Variants in BDH1 observed in about 807,000 individuals in gnomAD.
The protein encoded by BDH1 is D-beta-hydroxybutyrate dehydrogenase, mitochondrial.
BDH1 carries 30 observed loss-of-function variants against 33.1 expected under a neutral mutation model. The observed-to-expected ratio is 0.91, with a 90% CI of 0.68 to 1.23. The LOEUF is 1.23. Ranked by LOEUF, BDH1 falls within the 50% of genes most tolerant of loss-of-function variation. The probability of loss-of-function intolerance (pLI) is 0.00; values close to 1 mark genes in which losing one functional copy is unlikely to be tolerated. For synonymous variants in BDH1, 190 were observed against 183.6 expected, an observed-to-expected ratio of 1.03 and a Z score of -0.28; for missense variants, 443 against 464.4, an observed-to-expected ratio of 0.95 and a Z score of 0.42.
In BDH1 at chr3:197,528,979, CAT is replaced by C. The variant is rs1714393526; in HGVS notation, c.267+3431_267+3432del. 1 of 152,248 alleles carries C rather than the reference CAT, an allele frequency of 6.6e-6. No homozygotes were observed. Among genetic ancestry groups the C allele is most frequent in the African/African-American group, 2.4e-5 (1 of 41,460 alleles). 9.4% of individuals were successfully genotyped at this position (152,248 alleles called of 1,614,324 possible). A position where few individuals can be genotyped will look rare whatever the true frequency, so the allele number is the denominator to read the frequency against. The stretch of plus-strand genomic sequence containing the variant: ...CCAGCACAATGGCACAGAAGCCTAA[CAT>C]AGGACAAGGGACTTTACAACATTTT... On this transcript the variant is annotated intron_variant, in intron 5 of 7. Transcript: ENST00000392379. The surrounding 1 kb of genome is among the most constrained non-coding windows in gnomAD (Gnocchi z 5.1).
At chr3:197,545,214 T>G (rs927268754) in intron 3 of BDH1, among the ~76,000 whole-genome samples, 3 of 152,090 alleles carry the variant, frequency 2.0e-5, no homozygotes, top group Non-Finnish European at 4.4e-5. Flanking sequence ...AAGAGTAAAA[T>G]GTGGCAGCAG....
rs13061303 is a variant in BDH1, at chr3:197,526,291, G to A, written c.268-3510C>T. 0.081 allele frequency among the ~76,000 whole-genome samples: 12,322 copies of A among 152,234 alleles called. 585 individuals are homozygous for A. Among genetic ancestry groups the A allele is most frequent in the South Asian group, 0.099 (480 of 4,826 alleles). On this transcript the variant is annotated intron_variant, in intron 5 of 7. Transcript: ENST00000392379. The surrounding 1 kb of genome is among the most constrained non-coding windows in gnomAD (Gnocchi z 4.7). ...GCTGTGGGAAGTAGGTGCTGGTGGAGGTTGTCTTTCTCACTGTTTTCTAGC... is the reference window on the plus strand; with the variant it reads ...GCTGTGGGAAGTAGGTGCTGGTGGAAGTTGTCTTTCTCACTGTTTTCTAGC...
Position 197,520,986 on chromosome 3 carries a change from G to A in BDH1, c.409+1654C>T, listed in dbSNP as rs1311761138. Among the ~76,000 whole-genome samples, 3 of 152,162 alleles carry A rather than the reference G, an allele frequency of 2.0e-5. No individual in the cohort carries two copies. Among genetic ancestry groups the A allele is most frequent in the Non-Finnish European group, 4.4e-5 (3 of 68,020 alleles). On this transcript the variant is annotated intron_variant, in intron 6 of 7. Coordinates refer to ENST00000392379, the MANE Select transcript of BDH1 (RefSeq NM_203314.3). This position sits in a 1 kb window ranked among gnomAD's most constrained non-coding sequence, Gnocchi z 6.0. ...AGACAGGCAGAGGAGCGGCATCACC[G>A]ACAGCCACACACGCAGCCTCTGAGG...
At chr3:197,560,747 G>A, upstream of BDH1, among the ~76,000 whole-genome samples, 1 of 152,166 alleles carries the variant, frequency 6.6e-6, no homozygotes, top group East Asian at 1.9e-4. Flanking sequence ...TAAGCTAAAG[G>A]GAAAGTCAAG....
At chr3:197,557,999 A>G (rs1367477147), upstream of BDH1, among the ~76,000 whole-genome samples, 6 of 152,276 alleles carry the variant, frequency 3.9e-5, no homozygotes, top group Non-Finnish European at 5.9e-5. The surrounding 1 kb of genome is among the most constrained non-coding windows in gnomAD (Gnocchi z 4.6). Flanking sequence ...ATGCTTTGCT[A>G]GAAAAGTAGT....
At chr3:197,552,677 T>G (rs769853644) in intron 2 of BDH1, among the ~76,000 whole-genome samples, 17 of 152,234 alleles carry the variant, frequency 1.1e-4, no homozygotes, top group Non-Finnish European at 1.9e-4. Flanking sequence ...AGACATTCTC[T>G]GGCCACCCCA....
intron 3 of BDH1, chr3:197,543,169 C>G (rs1473001753): frequency 1.0e-6 from 1 of 985,260 alleles, no homozygotes; most frequent in African/African-American, 1.7e-5. Flanking sequence ...TTGAATCTAA[C>G]AAGACGGGGC....
chr3:197,528,681 T>A lies in BDH1; in HGVS notation c.267+3731A>T, dbSNP rs1269090359. 6.6e-6 allele frequency: 1 copy of A among 152,232 alleles called. No individual in the cohort carries two copies. Among genetic ancestry groups the A allele is most frequent in the Non-Finnish European group, 1.5e-5 (1 of 68,038 alleles). The allele number at this position is 152,232 out of a possible 1,614,324, so 9.4% of individuals were successfully genotyped here. ...GATACCAACAGATATAACCTGCCAA[T>A]GAGCTTGTCTGGTACTTTCTTCAAA... On this transcript the variant is annotated intron_variant, in intron 5 of 7. Coordinates refer to ENST00000392379, the MANE Select transcript of BDH1 (RefSeq NM_203314.3). This position sits in a 1 kb window ranked among gnomAD's most constrained non-coding sequence, Gnocchi z 5.1.
Position 197,542,521 on chromosome 3 carries a change from CT to C in BDH1, c.83+3839del, listed in dbSNP as rs71164295. ...GTCAACACGCTTTCTTTCTTGCTTG[CT>C]TTTTTTTTTTTTTTTTTTGAGACGG... On this transcript the variant is annotated intron_variant, in intron 3 of 7. Transcript: ENST00000392379. Among the ~76,000 whole-genome samples the C allele has an allele frequency of 5.4e-3, 578 of 106,416 alleles. 5 individuals are homozygous for C. The highest frequency in any genetic ancestry group is 0.021 in the African/African-American group (492 of 23,442). The allele number at this position is 106,416 out of a possible 152,430, so 69.8% of individuals were successfully genotyped here.
rs1019502296 is a variant in BDH1 at position 197,525,423 on chromosome 3, C to G, written c.268-2642G>C. Among the ~76,000 whole-genome samples, 3 of 152,176 alleles carry G rather than the reference C, an allele frequency of 2.0e-5. No homozygotes were observed. The highest frequency in any genetic ancestry group is 7.2e-5 in the African/African-American group (3 of 41,440). The stretch of plus-strand genomic sequence containing the variant: ...CCCTATACAAGACCTCTCTGGTGCC[C>G]CTACACAGCATCACGACAAGGTCCC... On this transcript the variant is annotated intron_variant, in intron 5 of 7. Coordinates refer to ENST00000392379, the MANE Select transcript of BDH1 (RefSeq NM_203314.3). This position sits in a 1 kb window ranked among gnomAD's most constrained non-coding sequence, Gnocchi z 4.9.
rs1713532657 is a variant in BDH1, at chr3:197,521,390, T to C, written c.409+1250A>G. 6.6e-6 allele frequency among the ~76,000 whole-genome samples: 1 copy of C among 152,204 alleles called. No homozygotes were observed. Among genetic ancestry groups the C allele is most frequent in the Non-Finnish European group, 1.5e-5 (1 of 68,028 alleles). On this transcript the variant is annotated intron_variant, in intron 6 of 7. Transcript: ENST00000392379. This position sits in a 1 kb window ranked among gnomAD's most constrained non-coding sequence, Gnocchi z 4.9. The stretch of plus-strand genomic sequence containing the variant: ...AAGGATATTTTAGTCCTTATGCTAC[T>C]GGAACTTTCTGTAGCTTTTGACCCT...
chr3:197,534,896 A>G (rs1715013564), intron 3 of BDH1, among the ~76,000 whole-genome samples: 2 of 152,198 alleles, frequency 1.3e-5, no homozygotes, highest in Non-Finnish European at 1.5e-5. Flanking sequence ...CTATAACAAA[A>G]TATCATAGAC....
chr3:197,552,044 A>G (rs546550839), intron 2 of BDH1, among the ~76,000 whole-genome samples: 1 of 152,280 alleles, frequency 6.6e-6, no homozygotes, highest in African/African-American at 2.4e-5. Context: ...CTCCAACCCA[A>G]CCTTCTCCCC....
At position 197,566,535 on chromosome 3, in the gene BDH1, A is replaced by T. The variant is rs566208907; in HGVS notation, c.-44+6646T>A. 4.5e-4 allele frequency among the ~76,000 whole-genome samples: 68 copies of T among 152,240 alleles called. No individual in the cohort carries two copies. In the South Asian group the frequency reaches 0.011, roughly 26 times the overall value. On this transcript the variant is annotated intron_variant, in intron 1 of 6. Transcript: ENST00000358186. The stretch of plus-strand genomic sequence containing the variant: ...TATCTGAGATTCCTTCTATGGAACA[A>T]AGTTCCATCAAAGCCAATTTAAAAG...
intron 3 of BDH1, among the ~76,000 whole-genome samples, chr3:197,537,544 T>G (rs1267804684): frequency 6.6e-6 from 1 of 152,214 alleles, no homozygotes; most frequent in African/African-American, 2.4e-5. Flanking sequence ...GGCTAGAAAT[T>G]ACAGCACTAT....
In BDH1 at chr3:197,514,403, G is replaced by A. The variant is rs773545278; in HGVS notation, c.423C>T (p.Leu141=). ...ACGTTGAGATGCCGGCATTGTTAAC[G>A]AGGCCCCACATGCCTGGACAGGAGA... ...LKDPEKGMWG[L]VNNAGISTFG... The change falls in exon 7 of 8, where the codon CTC becomes CTT. Residue 141 remains leucine, a synonymous_variant. Coordinates refer to ENST00000392379, the MANE Select transcript of BDH1 (RefSeq NM_203314.3). The surrounding 1 kb of genome is among the most constrained non-coding windows in gnomAD (Gnocchi z 4.2). The A allele has an allele frequency of 8.1e-6, 13 of 1,609,516 alleles. No homozygotes were observed. The highest frequency in any genetic ancestry group is 6.7e-5 in the East Asian group (3 of 44,720).
intron 3 of BDH1, among the ~76,000 whole-genome samples, chr3:197,543,465 G>C (rs978111599): frequency 7.2e-5 from 11 of 152,254 alleles, no homozygotes; most frequent in Non-Finnish European, 1.5e-4. Flanking sequence ...CAGGGTCCCA[G>C]ATGTGAGCAA....
At chr3:197,539,570 T>C (rs1018615656) in intron 3 of BDH1, among the ~76,000 whole-genome samples, 3 of 152,234 alleles carry the variant, frequency 2.0e-5, no homozygotes, top group Admixed American at 6.5e-5. Flanking sequence ...CCATAATTTA[T>C]AGCCATGCAG....
chr3:197,510,670 GTACATGTGTGTAA>G lies in BDH1; in HGVS notation c.*1212_*1224del, dbSNP rs1711883251. 1 of 45,380 alleles carries G rather than the reference GTACATGTGTGTAA, an allele frequency of 2.2e-5. No individual in the cohort carries two copies. Among genetic ancestry groups the G allele is most frequent in the East Asian group, 4.0e-4 (1 of 2,508 alleles). The allele number at this position is 45,380 out of a possible 1,614,324, so 2.8% of individuals were successfully genotyped here. ...TGTGTGTGTGTGTGTGTGTGTGTGT[GTACATGTGTGTAA>G]GGTGTGTGTGTGTGTGTGTGTGTGT... is the stretch of plus-strand genomic sequence containing the variant. On this transcript the variant is annotated 3_prime_UTR_variant, in exon 8 of 8. Transcript: ENST00000392379.
Sources: gnomAD v4.1 joint callset for allele counts (sites outside exome capture counted in the v4.1 genomes callset) on GRCh38, gnomAD v4.1.1 for gene constraint, Gnocchi (gnomAD v3.1) non-coding constraint, MANE v1.5 for transcripts, NCBI Gene and HGNC (gene_info 2026-07-23, HGNC 2026-07-21) for gene names.